CDKAL1: variants seen among roughly 807,000 people sequenced by gnomAD.
CDKAL1 encodes threonylcarbamoyladenosine tRNA methylthiotransferase.
In CDKAL1, 32 loss-of-function variants were observed where a neutral mutation model predicts 68.2. The observed-to-expected ratio is 0.47, with a 90% confidence interval of 0.35 to 0.63. The LOEUF is 0.63. Among genes scored for constraint, CDKAL1 ranks in the 30% least tolerant of loss-of-function variants. CDKAL1 has a pLI of 0.00. For missense variants in CDKAL1, 606 were observed against 696.7 expected (o/e 0.87, Z 1.47); for synonymous variants, 234 against 244.3 (o/e 0.96, Z 0.39).
intron 13 of CDKAL1, among the ~76,000 whole-genome samples, chr6:21,121,923 C>T (rs1774741089): frequency 6.6e-6 from 1 of 152,136 alleles, no homozygotes; most frequent in South Asian, 2.1e-4. Flanking sequence ...CTGCAGTGGT[C>T]GTGGGTTTTG....
rs1383961567 is a variant in CDKAL1, at chr6:20,735,507, GTTACC to G, written c.372-4010_372-4006del. Among the ~76,000 whole-genome samples the G allele has an allele frequency of 1.8e-3, 271 of 152,250 alleles. 1 individual carries two copies. Among genetic ancestry groups the G allele is most frequent in the African/African-American group, 6.1e-3 (252 of 41,546 alleles). Reference sequence around the variant, plus strand: ...TGAGGGAAACGACTCCTATGATTCAGTTACCTCCCACTGGGCTCCTCCCGTGATAT... The same window carrying G: ...TGAGGGAAACGACTCCTATGATTCAGTCCCACTGGGCTCCTCCCGTGATAT... On this transcript the variant is annotated intron_variant, in intron 5 of 15. Coordinates refer to ENST00000274695, the MANE Select transcript of CDKAL1 (RefSeq NM_017774.3).
chr6:21,206,053 T>G (rs142699418), intron 15 of CDKAL1, among the ~76,000 whole-genome samples: 5,124 of 139,336 alleles, frequency 0.037, 289 homozygotes, highest in African/African-American at 0.12. Context: ...CCATGGTCTC[T>G]ATCTCCTGAC....
At chr6:21,117,012 A>G (rs1011517913) in intron 13 of CDKAL1, among the ~76,000 whole-genome samples, 4 of 152,080 alleles carry the variant, frequency 2.6e-5, no homozygotes, top group African/African-American at 9.7e-5. Flanking sequence ...TGCCCTGGGT[A>G]TGTCCCTGGT....
At chr6:20,735,243 G>A (rs934199650) in intron 5 of CDKAL1, among the ~76,000 whole-genome samples, 2 of 151,946 alleles carry the variant, frequency 1.3e-5, no homozygotes. Flanking sequence ...TTGTTACATG[G>A]GTGTATTAGT....
chr6:20,986,139 C>G (rs868314874), intron 10 of CDKAL1, among the ~76,000 whole-genome samples: 9 of 152,198 alleles, frequency 5.9e-5, no homozygotes, highest in African/African-American at 1.9e-4. Context: ...CCCCTTGAGT[C>G]TAAGTGCTTG....
chr6:21,195,191 C>T (rs576007673), intron 13 of CDKAL1, among the ~76,000 whole-genome samples: 18 of 152,174 alleles, frequency 1.2e-4, no homozygotes, highest in African/African-American at 4.3e-4. Flanking sequence ...GAGACAGAGT[C>T]TCACTCTGTC....
At chr6:20,756,853 C>CCTTCCTTCCTT (rs1774203390) in intron 6 of CDKAL1, 1 of 55,904 alleles carries the variant, frequency 1.8e-5, no homozygotes, top group African/African-American at 8.6e-5. Context: ...CCTTCCTTCT[C>CCTTCCTTCCTT]CCCTTCCTTC....
chr6:21,139,942 C>T (rs1775815459), intron 13 of CDKAL1, among the ~76,000 whole-genome samples: 1 of 152,080 alleles, frequency 6.6e-6, no homozygotes, highest in South Asian at 2.1e-4. Context: ...AGGGTATTTT[C>T]TTCACAATCC....
rs1400600883 is a variant in CDKAL1 at position 20,588,533 on chromosome 6, C to T, written c.286+39828C>T. Among the ~76,000 whole-genome samples, 4 of 152,282 alleles carry T rather than the reference C, an allele frequency of 2.6e-5. No homozygotes were observed. In the East Asian group the frequency reaches 5.8e-4, roughly 22 times the overall value. On this transcript the variant is annotated intron_variant, in intron 4 of 15. Coordinates refer to ENST00000274695, the MANE Select transcript of CDKAL1 (RefSeq NM_017774.3). ...GAGGCAGTCAAGAATAAGGCATCTT[C>T]GATTACAGAATCTCTTTGAAGTTTT...
At chr6:20,882,527 G>A (rs986058018) in intron 9 of CDKAL1, among the ~76,000 whole-genome samples, 4 of 152,172 alleles carry the variant, frequency 2.6e-5, no homozygotes, top group South Asian at 2.1e-4. Context: ...GAGGGTAAGC[G>A]AAAAGAATAT....
intron 5 of CDKAL1, among the ~76,000 whole-genome samples, chr6:20,670,657 A>G (rs531527690): frequency 6.6e-6 from 1 of 152,244 alleles, no homozygotes; most frequent in African/African-American, 2.4e-5. Flanking sequence ...CATTTATTCA[A>G]TTATTTATGT....
chr6:20,907,377 G>T (rs955647653), intron 9 of CDKAL1, among the ~76,000 whole-genome samples: 3 of 152,060 alleles, frequency 2.0e-5, no homozygotes, highest in African/African-American at 7.3e-5. Context: ...AGCCGAGATT[G>T]TGCCACTGCA....
intron 9 of CDKAL1, among the ~76,000 whole-genome samples, chr6:20,939,272 A>T (rs1763866602): frequency 6.6e-6 from 1 of 152,146 alleles, no homozygotes; most frequent in African/African-American, 2.4e-5. Flanking sequence ...TGCTGCATTT[A>T]CTAATTTCTC....
chr6:21,138,604 G>A (rs1221454408), intron 13 of CDKAL1, among the ~76,000 whole-genome samples: 1 of 152,096 alleles, frequency 6.6e-6, no homozygotes, highest in African/African-American at 2.4e-5. Flanking sequence ...TTCATAGTCA[G>A]TACTCATAAA....
intron 4 of CDKAL1, among the ~76,000 whole-genome samples, chr6:20,604,559 C>G (rs1766252694): frequency 6.6e-6 from 1 of 152,228 alleles, no homozygotes; most frequent in Non-Finnish European, 1.5e-5. Context: ...TTAGGGCATT[C>G]TGCATTGTAT....
At chr6:20,841,594 C>T (rs529414303) in intron 8 of CDKAL1, among the ~76,000 whole-genome samples, 44 of 152,270 alleles carry the variant, frequency 2.9e-4, no homozygotes, top group Middle Eastern at 3.4e-3. Flanking sequence ...TAAAAATATT[C>T]TACCATAGGT....
At chr6:20,891,173 G>A (rs1015303698) in intron 9 of CDKAL1, among the ~76,000 whole-genome samples, 7 of 152,142 alleles carry the variant, frequency 4.6e-5, no homozygotes, top group African/African-American at 9.7e-5. Flanking sequence ...CAGGCACTAT[G>A]GTGTGTTCAT....
chr6:20,894,391 C>CTTTTTTTTT (rs5874793), intron 9 of CDKAL1, among the ~76,000 whole-genome samples: 2 of 124,072 alleles, frequency 1.6e-5, no homozygotes, highest in Non-Finnish European at 3.3e-5. Context: ...ACCCCACATA[C>CTTTTTTTTT]TTTTTTTTTT....
At chr6:20,646,201 C>T (rs780223220) in intron 4 of CDKAL1, among the ~76,000 whole-genome samples, 3 of 151,292 alleles carry the variant, frequency 2.0e-5, no homozygotes, top group Non-Finnish European at 4.4e-5. Context: ...GGATTACAGG[C>T]GCCTGCTACT....
Sources: allele counts gnomAD v4.1 joint callset (sites outside exome capture counted in the v4.1 genomes callset), GRCh38; gene constraint gnomAD v4.1.1; transcripts MANE v1.5; gene names NCBI Gene and HGNC (gene_info 2026-07-23, HGNC 2026-07-21).